SLC39A9: variants seen among roughly 807,000 people sequenced by gnomAD.
SLC39A9 encodes the protein solute carrier family 39 member 9, also known as zinc transporter ZIP9.
In SLC39A9, 14 loss-of-function variants were observed where a neutral mutation model predicts 28.4. That is an observed-to-expected ratio of 0.49 (90% CI 0.33 to 0.77). The LOEUF (loss-of-function observed/expected upper bound fraction) is 0.77. Ranked by LOEUF, SLC39A9 falls within the 30% of genes least tolerant of loss-of-function variation. SLC39A9 has a pLI of 0.02. For missense variants in SLC39A9, 283 were observed against 381.1 expected (o/e 0.74, Z 2.14); for synonymous variants, 119 against 149.6 (o/e 0.80, Z 1.49).
intron 2 of SLC39A9, among the ~76,000 whole-genome samples, chr14:69,430,877 C>G (rs1192941410): frequency 6.6e-6 from 1 of 152,132 alleles, no homozygotes; most frequent in Non-Finnish European, 1.5e-5. Context: ...AGTGACCCTC[C>G]TACCTTGGCT....
At chr14:69,442,908 G>T (rs1315214736) in intron 3 of SLC39A9, among the ~76,000 whole-genome samples, 1 of 152,120 alleles carries the variant, frequency 6.6e-6, no homozygotes, top group Non-Finnish European at 1.5e-5. Context: ...ATGGTTATTG[G>T]TGTAGAAAAT....
At position 69,461,323 on chromosome 14, in the gene SLC39A9, C is replaced by A; in HGVS notation, c.*2730C>A. The A allele has an allele frequency of 9.4e-7, 1 of 1,064,794 alleles. No homozygotes were observed. The highest frequency in any genetic ancestry group is 1.1e-6 in the Non-Finnish European group (1 of 876,362). 66.0% of individuals were successfully genotyped at this position (1,064,794 alleles called of 1,614,324 possible). On this transcript the variant is annotated 3_prime_UTR_variant, in exon 7 of 7. Transcript: ENST00000336643. ...GAATACTACTGCTCCATTCCCCTCA[C>A]TTATTCTCCAGTTAATTGCTTGTCA...
chr14:69,448,147 G>A (rs1312222849), intron 3 of SLC39A9, among the ~76,000 whole-genome samples: 4 of 145,518 alleles, frequency 2.7e-5, no homozygotes, highest in East Asian at 2.0e-4. Context: ...CATGGGAGGC[G>A]GAGCTTGCAG....
intron 1 of SLC39A9, among the ~76,000 whole-genome samples, chr14:69,413,628 A>G (rs1215745570): frequency 1.3e-5 from 2 of 151,072 alleles, no homozygotes; most frequent in African/African-American, 2.4e-5. Flanking sequence ...AAGAATTACA[A>G]CTATTTATGA....
At chr14:69,401,651 T>C (rs1277203565) in intron 1 of SLC39A9, among the ~76,000 whole-genome samples, 3 of 152,324 alleles carry the variant, frequency 2.0e-5, no homozygotes, top group Middle Eastern at 3.4e-3. Flanking sequence ...AGGAGTGGTG[T>C]TAATAACTGG....
intron 2 of SLC39A9, among the ~76,000 whole-genome samples, chr14:69,430,273 G>A (rs1185604699): frequency 6.6e-6 from 1 of 152,066 alleles, no homozygotes; most frequent in African/African-American, 2.4e-5. Flanking sequence ...TGCTGAGCCC[G>A]AATTCACAAA....
At chr14:69,427,435 T>G (rs573854749) in intron 2 of SLC39A9, among the ~76,000 whole-genome samples, 1 of 152,366 alleles carries the variant, frequency 6.6e-6, no homozygotes, top group African/African-American at 2.4e-5. Context: ...TTAAATTTTT[T>G]AAAAAATATT....
chr14:69,430,813 A>T (rs1006163474), intron 2 of SLC39A9, among the ~76,000 whole-genome samples: 1 of 151,866 alleles, frequency 6.6e-6, no homozygotes, highest in Non-Finnish European at 1.5e-5. Context: ...TAAACTGTTT[A>T]TATAGAGACA....
In SLC39A9 at chr14:69,399,329, A is replaced by G. The variant is rs944338207; in HGVS notation, c.-41A>G. 2.5e-6 allele frequency: 4 copies of G among 1,579,384 alleles called. No homozygotes were observed. Among genetic ancestry groups the G allele is most frequent in the Non-Finnish European group, 3.5e-6 (4 of 1,150,600 alleles). On this transcript the variant is annotated 5_prime_UTR_variant, in exon 1 of 7. Transcript: ENST00000336643. ...TAAGCACCATTTAAAGCCACTGGAAATTTGTTGTCTAGTGGTTGTGGGTGA... is the reference window on the plus strand; with the variant it reads ...TAAGCACCATTTAAAGCCACTGGAAGTTTGTTGTCTAGTGGTTGTGGGTGA...
At chr14:69,399,617 A>T (rs752056370) in intron 1 of SLC39A9, 152 bp downstream of exon 1, 85 of 625,226 alleles carry the variant, frequency 1.4e-4, no homozygotes, top group Non-Finnish European at 2.1e-4. Flanking sequence ...ACACTTAATA[A>T]TAGAAAGAAA....
At chr14:69,407,920 G>A (rs901567712) in intron 1 of SLC39A9, among the ~76,000 whole-genome samples, 4 of 151,476 alleles carry the variant, frequency 2.6e-5, no homozygotes, top group Admixed American at 1.3e-4. Context: ...ATGAGCCACC[G>A]CACCCGGCCC....
At chr14:69,404,526 A>G (rs577369100) in intron 1 of SLC39A9, among the ~76,000 whole-genome samples, 6 of 152,324 alleles carry the variant, frequency 3.9e-5, no homozygotes, top group Admixed American at 3.9e-4. Flanking sequence ...GATTAGAAAA[A>G]CTTGTAAAGA....
chr14:69,455,595 C>T lies in SLC39A9; in HGVS notation c.559-137C>T, dbSNP rs946135351. On this transcript the variant is annotated intron_variant, in intron 5 of 6. Transcript: ENST00000336643. ...TCGACCTCCCAAAGTGCTAGGATTA[C>T]AGGCATTAGCCACTGTGCCTGGCCT... 4.3e-6 allele frequency: 5 copies of T among 1,169,960 alleles called. No homozygotes were observed. In the Admixed American group the frequency reaches 8.5e-5, roughly 20 times the overall value. 72.5% of individuals were successfully genotyped at this position (1,169,960 alleles called of 1,614,324 possible). A position where few individuals can be genotyped will look rare whatever the true frequency, so the allele number is the denominator to read the frequency against.
intron 1 of SLC39A9, among the ~76,000 whole-genome samples, 189 bp from the exon 2 acceptor site, chr14:69,423,905 A>G (rs1884037410): frequency 6.6e-6 from 1 of 152,102 alleles, no homozygotes; most frequent in Non-Finnish European, 1.5e-5. Flanking sequence ...TCAAAAAAAA[A>G]AAAAAAAAAA....
chr14:69,451,761 G>C (rs1362184119), intron 3 of SLC39A9, among the ~76,000 whole-genome samples: 4 of 152,076 alleles, frequency 2.6e-5, no homozygotes, highest in Non-Finnish European at 5.9e-5. Context: ...TGTCACCCGG[G>C]CTGGAGTCCA....
rs576942742 is a variant in SLC39A9, at chr14:69,440,179, G to A, written c.206-1890G>A. Among the ~76,000 whole-genome samples, 277 of 152,222 alleles carry A rather than the reference G, an allele frequency of 1.8e-3. 1 individual carries two copies. Among genetic ancestry groups the A allele is most frequent in the African/African-American group, 6.5e-3 (269 of 41,542 alleles). The stretch of plus-strand genomic sequence containing the variant: ...AGTACACCTGTAAACCCAGCTACTC[G>A]GGAGGCTGAAGCATGAGAACCACTT... On this transcript the variant is annotated intron_variant, in intron 2 of 6. Coordinates refer to ENST00000336643, the MANE Select transcript of SLC39A9 (RefSeq NM_018375.5).
intron 1 of SLC39A9, among the ~76,000 whole-genome samples, chr14:69,412,435 A>AAATG (rs1555406194): frequency 2.0e-5 from 3 of 148,018 alleles, no homozygotes; most frequent in Non-Finnish European, 4.5e-5. Flanking sequence ...ATAAATAAAT[A>AAATG]AATGTATCTG....
intron 4 of SLC39A9, among the ~76,000 whole-genome samples, chr14:69,454,242 C>T (rs527529631): frequency 1.1e-4 from 17 of 152,256 alleles, no homozygotes; most frequent in South Asian, 1.0e-3. Flanking sequence ...AAGTAGTAAT[C>T]ATCTATATAG....
At position 69,460,484 on chromosome 14, in the gene SLC39A9, A is replaced by G. The variant is rs1200119670; in HGVS notation, c.*1891A>G. 5 of 985,332 alleles carry G rather than the reference A, an allele frequency of 5.1e-6. No individual in the cohort carries two copies. The highest frequency in any genetic ancestry group is 1.7e-5 in the African/African-American group (1 of 57,252). The allele number at this position is 985,332 out of a possible 1,614,324, so 61.0% of individuals were successfully genotyped here. A position where few individuals can be genotyped will look rare whatever the true frequency, so the allele number is the denominator to read the frequency against. On this transcript the variant is annotated 3_prime_UTR_variant, in exon 7 of 7. Transcript: ENST00000336643. ...ACTTGAGGTTTCATCTAGTCCTTCA[A>G]AACTATATGGTTGCCTAGATTCTCT...
Sources: allele counts gnomAD v4.1 joint callset (sites outside exome capture counted in the v4.1 genomes callset), GRCh38; gene constraint gnomAD v4.1.1; transcripts MANE v1.5; gene names NCBI Gene and HGNC (gene_info 2026-07-23, HGNC 2026-07-21).